The following PTPRN2 variants were observed in gnomAD, a reference collection of about 807,000 sequenced individuals.
The protein encoded by PTPRN2 is protein tyrosine phosphatase receptor type N2, also known as receptor-type tyrosine-protein phosphatase N2.
Under a neutral mutation model 118.8 loss-of-function variants are expected in PTPRN2, and 74 were observed. The observed-to-expected ratio is 0.62, with a 90% confidence interval of 0.52 to 0.76. The LOEUF is 0.76. PTPRN2 is among the 30% of genes least tolerant of loss of function. PTPRN2 has a pLI of 0.00. For missense variants in PTPRN2, 1,481 were observed against 1,394.4 expected (o/e 1.06, Z -0.99); for synonymous variants, 641 against 608.0 (o/e 1.05, Z -0.80).
At chr7:158,395,799 CGCGAGGG>C (rs1343282214) in intron 2 of PTPRN2, among the ~76,000 whole-genome samples, 1 of 41,666 alleles carries the variant, frequency 2.4e-5, no homozygotes, top group African/African-American at 9.2e-5. Flanking sequence ...AGGGGTGAGG[CGCGAGGG>C]GCGAGGGGCG....
chr7:158,388,130 CCT>C (rs1421636497), intron 2 of PTPRN2, among the ~76,000 whole-genome samples: 3 of 152,126 alleles, frequency 2.0e-5, no homozygotes, highest in Non-Finnish European at 4.4e-5. Context: ...CCACCTCTCC[CCT>C]GTGTCGGCTT....
At chr7:158,271,261 A>G (rs1798499416) in intron 3 of PTPRN2, among the ~76,000 whole-genome samples, 2 of 152,332 alleles carry the variant, frequency 1.3e-5, no homozygotes, top group South Asian at 4.1e-4. Context: ...AATGACACCC[A>G]GTCACTGGAA....
At chr7:157,644,911 C>G (rs181785678) in intron 14 of PTPRN2, among the ~76,000 whole-genome samples, 266 of 152,346 alleles carry the variant, frequency 1.7e-3, no homozygotes, top group African/African-American at 6.2e-3. Context: ...CACACGGGCC[C>G]GAGCTACCCA....
rs753618940 is a variant in PTPRN2 at position 157,982,187 on chromosome 7, A to C, written c.1724-83450T>G. On this transcript the variant is annotated intron_variant, in intron 11 of 22. Transcript: ENST00000389418. Reference sequence around the variant, plus strand: ...AGATGAGGAGGGGAATGCAGAGTGCAGGGTCCCCCCTAAACCCCGAGTCAC... The same window carrying C: ...AGATGAGGAGGGGAATGCAGAGTGCCGGGTCCCCCCTAAACCCCGAGTCAC... 4.2e-3 allele frequency among the ~76,000 whole-genome samples: 404 copies of C among 96,604 alleles called. 1 individual carries two copies. The highest frequency in any genetic ancestry group is 0.017 in the African/African-American group (376 of 22,562). The allele number at this position is 96,604 out of a possible 152,430, so 63.4% of individuals were successfully genotyped here. A position where few individuals can be genotyped will look rare whatever the true frequency, so the allele number is the denominator to read the frequency against.
chr7:157,839,784 T>A (rs887702230), intron 12 of PTPRN2, among the ~76,000 whole-genome samples: 1 of 151,722 alleles, frequency 6.6e-6, no homozygotes, highest in Non-Finnish European at 1.5e-5. Context: ...TAACCATGTG[T>A]GGCTGTGTGG....
intron 2 of PTPRN2, among the ~76,000 whole-genome samples, chr7:158,461,260 C>T (rs1278904452): frequency 6.6e-6 from 1 of 152,116 alleles, no homozygotes. Flanking sequence ...CTTTGGGAGG[C>T]CGAAGGGGGT....
intron 3 of PTPRN2, among the ~76,000 whole-genome samples, chr7:158,240,411 G>A (rs577496281): frequency 6.6e-6 from 1 of 152,314 alleles, no homozygotes; most frequent in Admixed American, 6.5e-5. Context: ...AGAAAGACCA[G>A]GTGTGTGGGC....
At chr7:158,573,241 T>C (rs1828144307) in intron 1 of PTPRN2, among the ~76,000 whole-genome samples, 1 of 152,158 alleles carries the variant, frequency 6.6e-6, no homozygotes, top group Admixed American at 6.5e-5. Context: ...ATTCAAGATG[T>C]TCAGAGAAAT....
At chr7:157,965,519 G>C (rs1045637388) in intron 11 of PTPRN2, among the ~76,000 whole-genome samples, 1 of 152,044 alleles carries the variant, frequency 6.6e-6, no homozygotes, top group African/African-American at 2.4e-5. Context: ...AAAATTTCTA[G>C]GTTTCCAACC....
At chr7:158,073,893 C>A (rs1011984598) in intron 11 of PTPRN2, among the ~76,000 whole-genome samples, 2 of 152,214 alleles carry the variant, frequency 1.3e-5, no homozygotes, top group Non-Finnish European at 1.5e-5. Flanking sequence ...AAACCTGAGG[C>A]CTCGTCCCCC....
chr7:158,160,543 T>A (rs1484053555), intron 6 of PTPRN2, among the ~76,000 whole-genome samples: 1 of 152,208 alleles, frequency 6.6e-6, no homozygotes, highest in East Asian at 1.9e-4. Context: ...AGAATGTCCT[T>A]TTTGTACATC....
intron 11 of PTPRN2, among the ~76,000 whole-genome samples, chr7:158,002,240 G>A (rs777552250): frequency 2.2e-4 from 33 of 152,274 alleles, no homozygotes; most frequent in Non-Finnish European, 2.1e-4. Context: ...TTAGAGACCC[G>A]CCCCCTGCAG....
At chr7:158,554,364 G>A (rs1185899998) in intron 1 of PTPRN2, among the ~76,000 whole-genome samples, 1 of 152,230 alleles carries the variant, frequency 6.6e-6, no homozygotes, top group Non-Finnish European at 1.5e-5. Context: ...CAATTGGTTG[G>A]TTGTTTAGGG....
intron 11 of PTPRN2, among the ~76,000 whole-genome samples, chr7:157,995,131 G>A (rs112446432): frequency 3.0e-5 from 4 of 131,174 alleles, no homozygotes; most frequent in South Asian, 2.6e-4. Context: ...TCAACGCTGC[G>A]TCCCCAGCTT....
chr7:158,379,740 A>G (rs1279657866), intron 2 of PTPRN2, among the ~76,000 whole-genome samples: 2 of 152,210 alleles, frequency 1.3e-5, no homozygotes, highest in African/African-American at 4.8e-5. Context: ...ATGGGGGTTC[A>G]GGTGGATGGG....
chr7:158,409,074 A>G (rs1473747512), intron 2 of PTPRN2, among the ~76,000 whole-genome samples: 2 of 151,908 alleles, frequency 1.3e-5, no homozygotes, highest in Non-Finnish European at 2.9e-5. Context: ...CAATCATATC[A>G]TTTTCGTAAC....
chr7:157,540,677 G>A lies in PTPRN2; in HGVS notation c.*37C>T, dbSNP rs954435043. ...GATCATGATTCCTGACAACATCCGT[G>A]GGGTGGGGGCTCCCCTGAGGCCCCT... On this transcript the variant is annotated 3_prime_UTR_variant, in exon 23 of 23. Transcript: ENST00000389418. 30 of 1,465,692 alleles carry A rather than the reference G, an allele frequency of 2.0e-5. No homozygotes were observed. The highest frequency in any genetic ancestry group is 2.8e-5 in the Non-Finnish European group (30 of 1,071,300). 90.8% of individuals were successfully genotyped at this position (1,465,692 alleles called of 1,614,324 possible).
Position 157,787,182 on chromosome 7 carries a change from G to A in PTPRN2, c.1789-104245C>T, listed in dbSNP as rs1279489715. Reference sequence around the variant, plus strand: ...GGGTGCGGCGGGGGACGCGGGGGTGGCTGCCCGGGACTGGCTCTTCTGGAA... The same window carrying A: ...GGGTGCGGCGGGGGACGCGGGGGTGACTGCCCGGGACTGGCTCTTCTGGAA... On this transcript the variant is annotated intron_variant, in intron 12 of 22. Transcript: ENST00000389418. The surrounding 1 kb of genome is among the most constrained non-coding windows in gnomAD (Gnocchi z 5.3). Among the ~76,000 whole-genome samples the A allele has an allele frequency of 2.9e-4, 44 of 150,562 alleles. 1 individual carries two copies. In the South Asian group the frequency reaches 9.2e-3, roughly 31 times the overall value.
chr7:158,302,234 A>G (rs1387676106), intron 3 of PTPRN2, among the ~76,000 whole-genome samples: 1 of 152,158 alleles, frequency 6.6e-6, no homozygotes, highest in Non-Finnish European at 1.5e-5. Context: ...GTTGAGGGCT[A>G]GGGGTTAGCC....
Sources: allele counts gnomAD v4.1 joint callset (sites outside exome capture counted in the v4.1 genomes callset), GRCh38; gene constraint gnomAD v4.1.1; non-coding constraint Gnocchi (gnomAD v3.1); transcripts MANE v1.5; gene names NCBI Gene and HGNC (gene_info 2026-07-23, HGNC 2026-07-21).